The following WDR64 variants were observed in gnomAD, a reference collection of about 807,000 sequenced individuals.
WDR64 encodes the protein WD repeat domain 64.
In WDR64, 112 loss-of-function variants were observed where a neutral mutation model predicts 139.3. That is an observed-to-expected ratio of 0.80 (90% CI 0.69 to 0.94). WDR64 has a LOEUF of 0.94. WDR64 is among the 40% of genes least tolerant of loss of function. The pLI is 0.00. For synonymous variants in WDR64, 444 were observed against 437.7 expected (o/e 1.01, Z -0.18); for missense variants, 1,206 against 1,293.1 (o/e 0.93, Z 1.03).
chr1:241,791,622 T>C (rs188980921), intron 25 of WDR64, among the ~76,000 whole-genome samples: 1 of 152,034 alleles, frequency 6.6e-6, no homozygotes, highest in African/African-American at 2.4e-5. Flanking sequence ...CAGTGAGCTA[T>C]GATCCCACCA....
chr1:241,775,865 T>C (rs1658639095), intron 21 of WDR64, among the ~76,000 whole-genome samples: 1 of 152,158 alleles, frequency 6.6e-6, no homozygotes, highest in Non-Finnish European at 1.5e-5. Flanking sequence ...CAGCATATTT[T>C]CAGTTAAAAC....
chr1:241,690,528 A>T (rs1269116738), intron 8 of WDR64, among the ~76,000 whole-genome samples: 1 of 152,152 alleles, frequency 6.6e-6, no homozygotes, highest in Non-Finnish European at 1.5e-5. Flanking sequence ...ATCTGTAGAA[A>T]AGCAAAGACA....
rs11462817 is a variant in WDR64, at chr1:241,731,344, T to TAA, written c.1195-7007_1195-7006dup. Among the ~76,000 whole-genome samples the TAA allele has an allele frequency of 1.4e-3, 206 of 145,704 alleles. 2 individuals carry two copies. In the East Asian group the frequency reaches 0.03, roughly 21 times the overall value. ...GGCAACATAGAGATACCTCGTCTCT[T>TAA]AAAAAAAAAAAAATGAGATAAATCT... On this transcript the variant is annotated intron_variant, in intron 10 of 27. Coordinates refer to ENST00000437684, the MANE Select transcript of WDR64 (RefSeq NM_001367482.1).
At chr1:241,686,139 T>C (rs897415693) in intron 7 of WDR64, among the ~76,000 whole-genome samples, 13 of 152,218 alleles carry the variant, frequency 8.5e-5, no homozygotes, top group African/African-American at 3.1e-4. Context: ...ACGGTGTATA[T>C]ATAGGCTGAG....
At chr1:241,676,346 A>G (rs1339268340) in intron 4 of WDR64, 2 of 152,382 alleles carry the variant, frequency 1.3e-5, no homozygotes, top group South Asian at 2.1e-4. Flanking sequence ...AGTGCTTAGC[A>G]TCATTAGAGT....
chr1:241,758,278 C>T (rs1670287979), intron 15 of WDR64, among the ~76,000 whole-genome samples: 1 of 150,976 alleles, frequency 6.6e-6, no homozygotes, highest in Non-Finnish European at 1.5e-5. Context: ...AGGTGCTGTC[C>T]TGTATTCCAT....
At chr1:241,661,434 TA>T in intron 2 of WDR64, among the ~76,000 whole-genome samples, 1 of 151,988 alleles carries the variant, frequency 6.6e-6, no homozygotes, top group Non-Finnish European at 1.5e-5. Context: ...ACAAATTAAT[TA>T]ATTTTAGGAA....
chr1:241,702,299 A>T (rs76507089), intron 8 of WDR64, among the ~76,000 whole-genome samples: 12,017 of 152,206 alleles, frequency 0.079, 578 homozygotes, highest in East Asian at 0.22. Context: ...TTTCTGTCCT[A>T]GCACTCACTA....
At chr1:241,723,213 A>G in intron 9 of WDR64, 84 bp from the exon 10 acceptor site, 2 of 1,515,988 alleles carry the variant, frequency 1.3e-6, no homozygotes, top group South Asian at 1.2e-5. Flanking sequence ...TCGAAGAAAG[A>G]TACGGGTATG....
intron 8 of WDR64, among the ~76,000 whole-genome samples, chr1:241,708,704 G>T (rs6429294): frequency 0.47 from 19,249 of 41,138 alleles, 3,261 homozygotes; most frequent in African/African-American, 0.56. Flanking sequence ...TTTTTTTTTT[G>T]TTTTTTTGTT....
rs1223296107 is a variant in WDR64 at position 241,735,515 on chromosome 1, GTCTCTC to G, written c.1195-2834_1195-2829del. 6.1e-5 allele frequency among the ~76,000 whole-genome samples: 8 copies of G among 130,556 alleles called. No homozygotes were observed. In the East Asian group the frequency reaches 9.5e-4, roughly 16 times the overall value. 85.6% of individuals were successfully genotyped at this position (130,556 alleles called of 152,430 possible). On this transcript the variant is annotated intron_variant, in intron 10 of 27. Transcript: ENST00000437684. ...GTCTCCTTTTAATATTTAGTTCTCT[GTCTCTC>G]TCTCTCTCTCTCTTTTTTTTTTTTT...
At chr1:241,781,525 A>G (rs1411428542) in intron 22 of WDR64, among the ~76,000 whole-genome samples, 1 of 152,238 alleles carries the variant, frequency 6.6e-6, no homozygotes, top group African/African-American at 2.4e-5. Context: ...AGTCTAGAAA[A>G]AAAGGTTAAT....
chr1:241,783,372 G>A lies in WDR64; in HGVS notation c.2696G>A (p.Gly899Asp), dbSNP rs775109785. Residue 899 changes from glycine to aspartate, a missense_variant, in exon 23 of 28, where the codon GGC becomes GAC. Gly to Asp is a moderately conservative substitution (Grantham distance 94, BLOSUM62 -1). Transcript: ENST00000437684. ...GTGGTACTTACTGCCTCCATCGATG[G>A]CTCAGTAAGGTAGGCCAAGATGGCA... The part of the protein sequence containing the change: ...KQVVLTASID[G>D]SVRLWHALNG... 7 of 1,612,790 alleles carry A rather than the reference G, an allele frequency of 4.3e-6. No homozygotes were observed. Among genetic ancestry groups the A allele is most frequent in the Non-Finnish European group, 4.2e-6 (5 of 1,179,092 alleles).
chr1:241,768,898 C>A (rs1482820099), intron 16 of WDR64, among the ~76,000 whole-genome samples: 1 of 152,130 alleles, frequency 6.6e-6, no homozygotes, highest in Non-Finnish European at 1.5e-5. Context: ...ATTATAAGCT[C>A]TTTAAGGGTA....
At chr1:241,660,762 C>G in intron 2 of WDR64, 102 bp downstream of exon 2, 3 of 1,292,972 alleles carry the variant, frequency 2.3e-6, no homozygotes, top group South Asian at 2.9e-5. Context: ...GGTTGAACCA[C>G]AACGTGCATG....
rs1376507769 is a variant in WDR64 at position 241,775,165 on chromosome 1, C to T, written c.2491C>T (p.Leu831=). 3.9e-6 allele frequency: 6 copies of T among 1,550,976 alleles called. No individual in the cohort carries two copies. In the African/African-American group the frequency reaches 8.2e-5, roughly 21 times the overall value. Residue 831 remains leucine (L), a synonymous_variant, in exon 21 of 28, where the codon CTG becomes TTG. Coordinates refer to ENST00000437684, the MANE Select transcript of WDR64 (RefSeq NM_001367482.1). ...ACATTCTGCCATTTCTCTGACATCGCTGTATACTGATTCATGTACGAGGAT... is the reference window on the plus strand; with the variant it reads ...ACATTCTGCCATTTCTCTGACATCGTTGTATACTGATTCATGTACGAGGAT... The part of the protein sequence containing the change: ...TKHSAISLTS[L]YTDSCTRILL...
chr1:241,666,062 T>A (rs973506112), intron 2 of WDR64, among the ~76,000 whole-genome samples: 1 of 152,040 alleles, frequency 6.6e-6, no homozygotes, highest in African/African-American at 2.4e-5. Flanking sequence ...CCTTATATAA[T>A]CAGATAAAAA....
chr1:241,692,547 T>C (rs1450576616), intron 8 of WDR64, among the ~76,000 whole-genome samples: 1 of 152,098 alleles, frequency 6.6e-6, no homozygotes, highest in East Asian at 1.9e-4. Context: ...TAACAAATGG[T>C]TCTAGAACAA....
chr1:241,700,055 T>C (rs1265355008), intron 8 of WDR64, among the ~76,000 whole-genome samples: 1 of 151,058 alleles, frequency 6.6e-6, no homozygotes, highest in African/African-American at 2.4e-5. Flanking sequence ...TGATGAGCGC[T>C]TGGGCTTAAC....
Sources: allele counts gnomAD v4.1 joint callset (sites outside exome capture counted in the v4.1 genomes callset), GRCh38; gene constraint gnomAD v4.1.1; transcripts MANE v1.5; gene names NCBI Gene and HGNC (gene_info 2026-07-23, HGNC 2026-07-21).